The following GASK1A variants were observed in gnomAD, a reference collection of about 807,000 sequenced individuals.
The protein encoded by GASK1A is Golgi-associated kinase 1A.
In GASK1A, 40 loss-of-function variants were observed where a neutral mutation model predicts 41.2. The ratio of observed to expected loss-of-function variants is 0.97; its 90% confidence interval spans 0.75 to 1.27. The LOEUF (loss-of-function observed/expected upper bound fraction) is 1.27. GASK1A is among the 50% of genes most tolerant of loss of function. The pLI is 0.00. For missense variants in GASK1A, 678 were observed against 745.1 expected (o/e 0.91, Z 1.05); for synonymous variants, 316 against 307.1 (o/e 1.03, Z -0.30).
At chr3:43,046,933 C>A (rs1032406226) in intron 2 of GASK1A, among the ~76,000 whole-genome samples, 7 of 152,208 alleles carry the variant, frequency 4.6e-5, no homozygotes, top group African/African-American at 1.7e-4. Flanking sequence ...GCACAGAAGA[C>A]AAGAATTGAG....
chr3:43,041,485 G>A (rs944497904), intron 2 of GASK1A, among the ~76,000 whole-genome samples: 5 of 152,216 alleles, frequency 3.3e-5, no homozygotes, highest in Non-Finnish European at 7.3e-5. Flanking sequence ...GTGATGGTGA[G>A]CATTTTTTCA....
At chr3:43,048,947 G>A (rs1181662787) in intron 2 of GASK1A, among the ~76,000 whole-genome samples, 2 of 152,112 alleles carry the variant, frequency 1.3e-5, no homozygotes, top group Non-Finnish European at 2.9e-5. Context: ...GACTAACTCT[G>A]GTTAACATAA....
Position 43,032,726 on chromosome 3 carries a change from C to A in GASK1A, c.463C>A (p.Gln155Lys). 6.4e-7 allele frequency: 1 copy of A among 1,551,510 alleles called. No individual in the cohort carries two copies. The highest frequency in any genetic ancestry group is 8.7e-7 in the Non-Finnish European group (1 of 1,146,986). Residue 155 changes from glutamine to lysine, a missense_variant, in exon 2 of 5, where the codon CAG becomes AAG. Gln to Lys is a moderately conservative substitution (Grantham distance 53). Coordinates refer to ENST00000430121, the MANE Select transcript of GASK1A (RefSeq NM_001129908.3). ...DPGTKDLGHP[Q>K]HGSPIQETQS... ...AGGAACCAAAGACCTGGGCCACCCCCAGCATGGCAGTCCCATCCAGGAGAC... is the reference window on the plus strand; with the variant it reads ...AGGAACCAAAGACCTGGGCCACCCCAAGCATGGCAGTCCCATCCAGGAGAC...
At chr3:43,038,454 T>A (rs1248961337) in intron 2 of GASK1A, among the ~76,000 whole-genome samples, 5 of 152,246 alleles carry the variant, frequency 3.3e-5, no homozygotes. Flanking sequence ...GCATTTATTC[T>A]AAAGCCCCCC....
chr3:42,992,266 A>G (rs1463754269), intron 1 of GASK1A, among the ~76,000 whole-genome samples: 1 of 151,706 alleles, frequency 6.6e-6, no homozygotes, highest in Non-Finnish European at 1.5e-5. Context: ...TGAAGGGTTC[A>G]GAGGGTGAGT....
chr3:43,028,818 G>A (rs2089560691), intron 1 of GASK1A, among the ~76,000 whole-genome samples: 4 of 152,300 alleles, frequency 2.6e-5, no homozygotes, highest in Admixed American at 2.6e-4. Flanking sequence ...GCTGAAGTGA[G>A]GGGGACATCA....
At chr3:42,992,905 C>T (rs1198214403) in intron 1 of GASK1A, among the ~76,000 whole-genome samples, 2 of 152,170 alleles carry the variant, frequency 1.3e-5, no homozygotes, top group South Asian at 2.1e-4. Context: ...GTACAGGAAT[C>T]GGAAGTAGGT....
chr3:43,032,420 A>T lies in GASK1A; in HGVS notation c.157A>T (p.Thr53Ser). ...TGGTCCCATGGAGCCTCAGGGGGTA[A>T]CTGGCGCCCCTGCAACCCATATCCG... ...DPGPMEPQGVTGAPATHIRQA... is the reference protein window; with the variant it reads ...DPGPMEPQGVSGAPATHIRQA... The change falls in exon 2 of 5, where the codon ACT becomes TCT. Residue 53 changes from threonine (T) to serine (S), a missense_variant. By Grantham distance (58) the Thr-to-Ser change is moderately conservative. Transcript: ENST00000430121. 1 of 1,551,242 alleles carries T rather than the reference A, an allele frequency of 6.4e-7. No homozygotes were observed.
intron 1 of GASK1A, among the ~76,000 whole-genome samples, chr3:43,030,204 G>T (rs1227058279): frequency 6.6e-6 from 1 of 152,292 alleles, no homozygotes; most frequent in Non-Finnish European, 1.5e-5. Flanking sequence ...ACAAAGTTTC[G>T]CCATGTTGGC....
In GASK1A at chr3:43,033,525, G is replaced by A. The variant is rs749233450; in HGVS notation, c.1262G>A (p.Arg421His). 29 of 1,539,652 alleles carry A rather than the reference G, an allele frequency of 1.9e-5. No individual in the cohort carries two copies. The African/African-American group carries it at 2.9e-4, about 15-fold the overall frequency. Residue 421 changes from arginine (R) to histidine (H), a missense_variant, in exon 2 of 5, where the codon CGC (arginine) becomes CAC (histidine). Coordinates refer to ENST00000430121, the MANE Select transcript of GASK1A (RefSeq NM_001129908.3). ...CPGIHHTEWARLALFDFLLQV... is the reference protein window; with the variant it reads ...CPGIHHTEWAHLALFDFLLQV... ...GGCATCCACCATACCGAGTGGGCAC[G>A]CCTGGCGCTCTTCGACTTCCTGTTG...
intron 2 of GASK1A, among the ~76,000 whole-genome samples, chr3:43,050,902 G>T (rs2089685679): frequency 6.6e-6 from 1 of 151,944 alleles, no homozygotes; most frequent in Non-Finnish European, 1.5e-5. Context: ...AGTCTTTATG[G>T]TGAGGTATCG....
intron 3 of GASK1A, 78 bp from the exon 4 acceptor site, chr3:43,055,354 A>T (rs936198144): frequency 2.0e-6 from 2 of 1,024,054 alleles, no homozygotes; most frequent in Non-Finnish European, 3.0e-6. Flanking sequence ...TCAGCCCCTT[A>T]ATCTTGACCA....
intron 1 of GASK1A, among the ~76,000 whole-genome samples, chr3:43,010,215 C>A (rs1274352639): frequency 6.6e-6 from 1 of 152,088 alleles, no homozygotes; most frequent in Non-Finnish European, 1.5e-5. Context: ...TTATATATAG[C>A]AACTCAGTAC....
intron 2 of GASK1A, among the ~76,000 whole-genome samples, chr3:43,044,473 C>T (rs892091220): frequency 2.0e-5 from 3 of 152,150 alleles, no homozygotes; most frequent in East Asian, 1.9e-4. Context: ...CCATAACAAC[C>T]GCCTCCTGCT....
At chr3:43,018,807 C>G (rs1325086425) in intron 1 of GASK1A, among the ~76,000 whole-genome samples, 6 of 152,128 alleles carry the variant, frequency 3.9e-5, no homozygotes, top group Admixed American at 2.6e-4. Flanking sequence ...CAGATAAGCC[C>G]CCTTTGAGAG....
intron 1 of GASK1A, among the ~76,000 whole-genome samples, chr3:42,983,625 C>T (rs1050660944): frequency 1.3e-5 from 2 of 152,188 alleles, no homozygotes; most frequent in African/African-American, 4.8e-5. Context: ...CATTGAGTCC[C>T]TCTGCACTGA....
At chr3:43,000,203 G>A (rs375350935) in intron 1 of GASK1A, among the ~76,000 whole-genome samples, 89 of 152,218 alleles carry the variant, frequency 5.8e-4, no homozygotes, top group Non-Finnish European at 1.0e-3. Context: ...CTGTGAGAGC[G>A]GTCAGGCTGG....
At position 43,033,074 on chromosome 3, in the gene GASK1A, C is replaced by A. The variant is rs367756114; in HGVS notation, c.811C>A (p.Leu271Met). 84 of 1,551,752 alleles carry A rather than the reference C, an allele frequency of 5.4e-5. No individual in the cohort carries two copies. The East Asian group carries it at 7.6e-4, about 14-fold the overall frequency. ...AGACCACGATGTGCAGATGCTCCGT[C>A]TGTTGGCACAGGGGGAGGTGGTGGA... ...LTDHDVQMLR[L>M]LAQGEVVDKA... Residue 271 changes from leucine (L) to methionine (M), a missense_variant, in exon 2 of 5, where the codon CTG becomes ATG. Coordinates refer to ENST00000430121, the MANE Select transcript of GASK1A (RefSeq NM_001129908.3).
Position 43,001,075 on chromosome 3 carries a change from C to A in GASK1A, c.3+21430C>A, listed in dbSNP as rs200897321. Among the ~76,000 whole-genome samples, 13 of 152,246 alleles carry A rather than the reference C, an allele frequency of 8.5e-5. No homozygotes were observed. In the East Asian group the frequency reaches 2.5e-3, roughly 29 times the overall value. On this transcript the variant is annotated intron_variant, in intron 1 of 4. Coordinates refer to ENST00000430121, the MANE Select transcript of GASK1A (RefSeq NM_001129908.3). ...GAGAGCTCTCTCCTTGGCTTCTCTT[C>A]CCCTCCTCCACCCCTGCCCCTCCCT...
Sources: gnomAD v4.1 joint callset for allele counts (sites outside exome capture counted in the v4.1 genomes callset) on GRCh38, gnomAD v4.1.1 for gene constraint, MANE v1.5 for transcripts, NCBI Gene and HGNC (gene_info 2026-07-23, HGNC 2026-07-21) for gene names.